The following LMAN2L variants were observed in gnomAD, a reference collection of about 807,000 sequenced individuals.
LMAN2L encodes VIP36-like protein.
LMAN2L carries 30 observed loss-of-function variants against 44.3 expected under a neutral mutation model. The observed-to-expected ratio is 0.68, with a 90% confidence interval of 0.51 to 0.92. The LOEUF is 0.92. Among genes scored for constraint, LMAN2L ranks in the 40% least tolerant of loss-of-function variants. The pLI is 0.00. For synonymous variants in LMAN2L, 183 were observed against 171.1 expected (o/e 1.07, Z -0.54); for missense variants, 429 against 446.1 (o/e 0.96, Z 0.35).
intron 3 of LMAN2L, among the ~76,000 whole-genome samples, chr2:96,734,045 T>C (rs374051988): frequency 1.6e-4 from 24 of 152,224 alleles, no homozygotes; most frequent in African/African-American, 3.1e-4. Flanking sequence ...ACAAGGAAAA[T>C]AGATAACTCT....
chr2:96,707,238 T>C lies in LMAN2L; in HGVS notation c.*18A>G, dbSNP rs1424911732. On this transcript the variant is annotated 3_prime_UTR_variant, in exon 8 of 8. Coordinates refer to ENST00000264963, the MANE Select transcript of LMAN2L (RefSeq NM_030805.4). ...ACCTCATGGGTGACAGTCACAAAAG[T>C]GGTGGCAGCAGGAGGGCTCAGTAGA... 1.2e-6 allele frequency: 2 copies of C among 1,611,870 alleles called. No individual in the cohort carries two copies. The highest frequency in any genetic ancestry group is 2.2e-5 in the South Asian group (2 of 90,806).
intron 4 of LMAN2L, chr2:96,713,191 G>T: frequency 6.7e-7 from 1 of 1,486,522 alleles, no homozygotes. Context: ...ACAGAAGACA[G>T]GAGACCAAGT....
chr2:96,711,979 C>T lies in LMAN2L; in HGVS notation c.554G>A (p.Ser185Asn), dbSNP rs1280789386. 6.2e-7 allele frequency: 1 copy of T among 1,614,160 alleles called. No individual in the cohort carries two copies. The highest frequency in any genetic ancestry group is 1.7e-5 in the Admixed American group (1 of 60,018). ...CCGCCCATCCCGCTCATGATCATAG[C>T]TGAGGGAGCCGTTGTTCACCATGGC... Reference protein sequence around the residue: ...ISAMVNNGSLSYDHERDGRPT... With the variant: ...ISAMVNNGSLNYDHERDGRPT... The change falls in exon 5 of 8, where the codon AGC becomes AAC. Residue 185 changes from serine to asparagine, a missense_variant. Ser to Asn is a conservative substitution (Grantham distance 46, BLOSUM62 1). Transcript: ENST00000264963.
chr2:96,713,687 C>T (rs1019201946), intron 4 of LMAN2L, among the ~76,000 whole-genome samples: 11 of 152,216 alleles, frequency 7.2e-5, no homozygotes, highest in African/African-American at 2.7e-4. Context: ...GACTATGAAA[C>T]TAACTCTAAT....
intron 2 of LMAN2L, among the ~76,000 whole-genome samples, chr2:96,735,665 C>T (rs1243944832): frequency 1.3e-5 from 2 of 152,120 alleles, no homozygotes; most frequent in East Asian, 3.9e-4. Flanking sequence ...GGTGAAACCC[C>T]GTCTCTACTA....
At chr2:96,707,592 G>T (rs189350873) in intron 7 of LMAN2L, 122 bp downstream of exon 7, 10 of 1,327,932 alleles carry the variant, frequency 7.5e-6, no homozygotes, top group African/African-American at 1.5e-5. Context: ...AAAGGCAGAT[G>T]AAAGTGCTCC....
chr2:96,723,036 T>C (rs1007960421), intron 4 of LMAN2L, among the ~76,000 whole-genome samples: 1 of 152,086 alleles, frequency 6.6e-6, no homozygotes, highest in African/African-American at 2.4e-5. Context: ...AAAAAAGTTT[T>C]GTGTAGATGT....
At chr2:96,737,880 T>A in intron 2 of LMAN2L, 69 bp downstream of exon 2, 1 of 861,188 alleles carries the variant, frequency 1.2e-6, no homozygotes, top group Non-Finnish European at 2.0e-6. Context: ...TAAAATTAAA[T>A]CAGTATGCCA....
chr2:96,713,084 A>G, intron 4 of LMAN2L: 2 of 1,548,568 alleles, frequency 1.3e-6, no homozygotes, highest in Non-Finnish European at 1.7e-6. Context: ...AGGGATGCTC[A>G]TGATGAGCCA....
chr2:96,719,847 A>G (rs758882490), intron 4 of LMAN2L, among the ~76,000 whole-genome samples: 21 of 152,116 alleles, frequency 1.4e-4, no homozygotes, highest in Non-Finnish European at 2.6e-4. Context: ...GATTATAGGC[A>G]TTGGCCACTG....
chr2:96,707,416 A>G lies in LMAN2L; in HGVS notation c.905-18T>C, dbSNP rs774403132. ...AGCTGTCACTGAGGAAGCAAGAGAGAAGCAAGTCAGAAAACAGGGAGCCCA... is the reference window on the plus strand; with the variant it reads ...AGCTGTCACTGAGGAAGCAAGAGAGGAGCAAGTCAGAAAACAGGGAGCCCA... On this transcript the variant is annotated intron_variant, in intron 7 of 7. Transcript: ENST00000264963. The G allele has an allele frequency of 1.9e-6, 3 of 1,603,500 alleles. No homozygotes were observed. The highest frequency in any genetic ancestry group is 2.2e-5 in the East Asian group (1 of 44,604).
intron 2 of LMAN2L, among the ~76,000 whole-genome samples, chr2:96,736,516 C>T (rs190642827): frequency 6.6e-6 from 1 of 152,342 alleles, no homozygotes; most frequent in Admixed American, 6.5e-5. Context: ...GCCAGCAAGA[C>T]AGCAGCAGAG....
At chr2:96,737,329 T>G (rs770123671) in intron 2 of LMAN2L, 8 of 360,090 alleles carry the variant, frequency 2.2e-5, no homozygotes, top group Non-Finnish European at 3.7e-5. Flanking sequence ...AAGATGGGGA[T>G]GCTGGGATAA....
At chr2:96,729,796 G>C (rs376762133) in intron 4 of LMAN2L, among the ~76,000 whole-genome samples, 1 of 152,072 alleles carries the variant, frequency 6.6e-6, no homozygotes, top group Non-Finnish European at 1.5e-5. Context: ...GTGAGCCACC[G>C]CGCCCGGCCT....
At chr2:96,720,800 G>A (rs573413636) in intron 4 of LMAN2L, among the ~76,000 whole-genome samples, 6 of 152,134 alleles carry the variant, frequency 3.9e-5, no homozygotes, top group Admixed American at 3.3e-4. Context: ...TTAGCCAGGC[G>A]TGGTGGCAGG....
chr2:96,737,014 T>C, intron 2 of LMAN2L: 1 of 356,454 alleles, frequency 2.8e-6, no homozygotes, highest in Non-Finnish European at 5.4e-6. Context: ...CGTAAAAAAG[T>C]AAGTTCTTAG....
rs560850408 is a variant in LMAN2L at position 96,707,056 on chromosome 2, G to A, written c.*200C>T. ...CAGCAGCATTGCCCTGGGGTGGGTG[G>A]CTTCCCAGACCAGAGTTAGATGTCC... On this transcript the variant is annotated 3_prime_UTR_variant, in exon 8 of 8. Coordinates refer to ENST00000264963, the MANE Select transcript of LMAN2L (RefSeq NM_030805.4). 5.2e-5 allele frequency: 25 copies of A among 477,954 alleles called. No homozygotes were observed. The Admixed American group carries it at 7.2e-4, about 14-fold the overall frequency. 29.6% of individuals were successfully genotyped at this position (477,954 alleles called of 1,614,324 possible). A position where few individuals can be genotyped will look rare whatever the true frequency, so the allele number is the denominator to read the frequency against.
At chr2:96,729,752 C>T (rs941262148) in intron 4 of LMAN2L, among the ~76,000 whole-genome samples, 2 of 152,060 alleles carry the variant, frequency 1.3e-5, no homozygotes, top group Non-Finnish European at 2.9e-5. Context: ...GTGATCTGCC[C>T]GCCTCAGCCT....
intron 4 of LMAN2L, among the ~76,000 whole-genome samples, chr2:96,721,830 G>A (rs752623956): frequency 6.6e-6 from 1 of 151,860 alleles, no homozygotes; most frequent in Non-Finnish European, 1.5e-5. Context: ...ATCACATTTT[G>A]TTTATCCTCT....
Sources: gnomAD v4.1 joint callset for allele counts (sites outside exome capture counted in the v4.1 genomes callset) on GRCh38, gnomAD v4.1.1 for gene constraint, MANE v1.5 for transcripts, NCBI Gene and HGNC (gene_info 2026-07-23, HGNC 2026-07-21) for gene names.